The following LIN9 variants were observed in gnomAD, a reference collection of about 807,000 sequenced individuals.
LIN9 encodes the protein lin-9 DREAM MuvB core complex component, also known as protein lin-9 homolog.
In LIN9, 18 loss-of-function variants were observed where a neutral mutation model predicts 78.0. The observed-to-expected ratio is 0.23, with a 90% CI of 0.16 to 0.34. The LOEUF is 0.34. LIN9 is among the 10% of genes least tolerant of loss of function. LIN9 has a pLI of 1.00. For synonymous variants in LIN9, 192 were observed against 215.2 expected, an observed-to-expected ratio of 0.89 and a Z score of 0.94; for missense variants, 451 against 644.1, an observed-to-expected ratio of 0.70 and a Z score of 3.25.
chr1:226,305,869 T>C (rs1036128522), intron 1 of LIN9, among the ~76,000 whole-genome samples: 1 of 152,132 alleles, frequency 6.6e-6, no homozygotes, highest in Non-Finnish European at 1.5e-5. Flanking sequence ...GCTGTGTGTT[T>C]GTGGGAAGGG....
At chr1:226,284,234 G>GTA (rs1188116397) in intron 6 of LIN9, among the ~76,000 whole-genome samples, 2 of 152,022 alleles carry the variant, frequency 1.3e-5, no homozygotes, top group Non-Finnish European at 2.9e-5. Context: ...ATCTGTGACT[G>GTA]TATCTGGATT....
intron 11 of LIN9, among the ~76,000 whole-genome samples, chr1:226,248,285 A>C (rs1331201906): frequency 2.6e-5 from 4 of 152,198 alleles, no homozygotes; most frequent in African/African-American, 9.7e-5. Flanking sequence ...GCACTTCATC[A>C]TATTTGCCAA....
chr1:226,283,948 A>G (rs1017288091), intron 6 of LIN9, among the ~76,000 whole-genome samples: 5 of 152,122 alleles, frequency 3.3e-5, no homozygotes, highest in Non-Finnish European at 7.4e-5. Context: ...ATCTCAAAAA[A>G]AAAAGAGAGA....
At chr1:226,291,927 A>G (rs1370022913) in intron 4 of LIN9, among the ~76,000 whole-genome samples, 12 of 152,110 alleles carry the variant, frequency 7.9e-5, no homozygotes. Flanking sequence ...AAAAAAAAAA[A>G]TTAAATGTAA....
At chr1:226,278,524 G>T (rs560660470) in intron 6 of LIN9, among the ~76,000 whole-genome samples, 2 of 151,950 alleles carry the variant, frequency 1.3e-5, no homozygotes, top group South Asian at 4.2e-4. Context: ...TTCAAAAATA[G>T]GTTCTTAGAT....
chr1:226,303,624 G>A (rs1209203225), intron 1 of LIN9, among the ~76,000 whole-genome samples: 1 of 149,410 alleles, frequency 6.7e-6, no homozygotes, highest in African/African-American at 2.5e-5. Context: ...TTCTTTTTTT[G>A]AAATGGAGTC....
chr1:226,271,549 G>A (rs993809941), intron 7 of LIN9, among the ~76,000 whole-genome samples: 3 of 152,092 alleles, frequency 2.0e-5, no homozygotes, highest in Non-Finnish European at 4.4e-5. Flanking sequence ...TAAATAATAT[G>A]TATTCTGCAG....
intron 7 of LIN9, among the ~76,000 whole-genome samples, chr1:226,277,216 GAAA>G (rs71168975): frequency 2.2e-5 from 2 of 91,464 alleles, no homozygotes; most frequent in African/African-American, 4.2e-5. Flanking sequence ...GTCTCAAAAA[GAAA>G]AAAAAAAAAA....
At chr1:226,249,178 G>A (rs1166854525) in intron 11 of LIN9, among the ~76,000 whole-genome samples, 1 of 152,124 alleles carries the variant, frequency 6.6e-6, no homozygotes, top group East Asian at 1.9e-4. Context: ...GGTGACCAGA[G>A]AAAAACAGAA....
At chr1:226,268,537 A>G (rs1320096296) in intron 7 of LIN9, among the ~76,000 whole-genome samples, 1 of 152,214 alleles carries the variant, frequency 6.6e-6, no homozygotes, top group Non-Finnish European at 1.5e-5. Flanking sequence ...TTTGTCTGGT[A>G]TCTGGGAACT....
At chr1:226,274,700 G>C (rs901349590) in intron 7 of LIN9, among the ~76,000 whole-genome samples, 1 of 150,136 alleles carries the variant, frequency 6.7e-6, no homozygotes, top group African/African-American at 2.5e-5. Flanking sequence ...TTTCATACTT[G>C]GATAATTTCT....
Position 226,295,959 on chromosome 1 carries a change from T to C in LIN9, c.160-13A>G, listed in dbSNP as rs933043762. On this transcript the variant is annotated splice_polypyrimidine_tract_variant and intron_variant, in intron 3 of 14. Coordinates refer to ENST00000681046, the MANE Select transcript of LIN9 (RefSeq NM_001366245.2). ...AATTTCTGAAAGGCTATGATAGAAA[T>C]GTTTTCATTTAATGAAAAAGCCGAA... 6.3e-7 allele frequency: 1 copy of C among 1,575,060 alleles called. No homozygotes were observed. Among genetic ancestry groups the C allele is most frequent in the Non-Finnish European group, 8.7e-7 (1 of 1,151,936 alleles).
At chr1:226,232,663 T>G in intron 14 of LIN9, 57 bp from the exon 15 acceptor site, 1 of 1,132,662 alleles carries the variant, frequency 8.8e-7, no homozygotes, top group Non-Finnish European at 1.3e-6. Context: ...AGAAAAAAAT[T>G]TTTAAAAGAA....
At position 226,238,998 on chromosome 1, in the gene LIN9, C is replaced by A. The variant is rs1429887900; in HGVS notation, c.1218G>T (p.Leu406Phe). ...EQLNKDLNKV[L>F]HKVQQYCYEL... ...CATAGCAATACTGTTGAACTTTATG[C>A]AAAACTTTGTTTAGGTCCTTGTTCA... Residue 406 changes from leucine to phenylalanine, a missense_variant, in exon 12 of 15, where the codon TTG (leucine) becomes TTT (phenylalanine). Coordinates refer to ENST00000681046, the MANE Select transcript of LIN9 (RefSeq NM_001366245.2). 1 of 1,613,654 alleles carries A rather than the reference C, an allele frequency of 6.2e-7. No individual in the cohort carries two copies. Among genetic ancestry groups the A allele is most frequent in the Non-Finnish European group, 8.5e-7 (1 of 1,179,862 alleles).
intron 7 of LIN9, among the ~76,000 whole-genome samples, chr1:226,275,515 G>A (rs111280477): frequency 6.6e-6 from 1 of 151,476 alleles, no homozygotes; most frequent in Non-Finnish European, 1.5e-5. Flanking sequence ...CCAATATGGT[G>A]AAACCCCGTC....
At chr1:226,305,990 A>G (rs1264978939) in intron 1 of LIN9, among the ~76,000 whole-genome samples, 1 of 152,158 alleles carries the variant, frequency 6.6e-6, no homozygotes, top group African/African-American at 2.4e-5. Context: ...AGAAGGTAAA[A>G]TTTACAGACT....
At position 226,253,067 on chromosome 1, in the gene LIN9, A is replaced by C. The variant is rs145999939; in HGVS notation, c.1039-2148T>G. 4.1e-3 allele frequency among the ~76,000 whole-genome samples: 625 copies of C among 152,130 alleles called. 26 individuals are homozygous for C. The South Asian group carries it at 0.075, about 18-fold the overall frequency. On this transcript the variant is annotated intron_variant, in intron 10 of 14. Transcript: ENST00000681046. ...CACTTGAGTCCAGGAGTTTGAGACC[A>C]GCCTGGGCAACACAGCAAGACCCCA...
At chr1:226,238,552 T>G (rs1475010253) in intron 12 of LIN9, among the ~76,000 whole-genome samples, 2 of 151,778 alleles carry the variant, frequency 1.3e-5, no homozygotes, top group East Asian at 3.9e-4. Context: ...CCTGGGAAGT[T>G]GAGGCTGTAG....
Position 226,252,025 on chromosome 1 carries a change from C to A in LIN9, c.1039-1106G>T, listed in dbSNP as rs115273987. Among the ~76,000 whole-genome samples, 3 of 152,062 alleles carry A rather than the reference C, an allele frequency of 2.0e-5. No homozygotes were observed. In the East Asian group the frequency reaches 5.8e-4, roughly 29 times the overall value. On this transcript the variant is annotated intron_variant, in intron 10 of 14. Transcript: ENST00000681046. The stretch of plus-strand genomic sequence containing the variant: ...ATCCCAGTACTTTGGGAGGCCAAGG[C>A]GGGAAGATCACTTAAGCCCAAGAGT...
Sources: allele counts gnomAD v4.1 joint callset (sites outside exome capture counted in the v4.1 genomes callset), GRCh38; gene constraint gnomAD v4.1.1; transcripts MANE v1.5; gene names NCBI Gene and HGNC (gene_info 2026-07-23, HGNC 2026-07-21).